The following IPO11 variants were observed in gnomAD, a reference collection of about 807,000 sequenced individuals.
IPO11 encodes the protein importin-11.
IPO11 carries 66 observed loss-of-function variants against 143.2 expected under a neutral mutation model. That is an observed-to-expected ratio of 0.46 (90% CI 0.38 to 0.57). The LOEUF (loss-of-function observed/expected upper bound fraction) is 0.57. Among genes scored for constraint, IPO11 ranks in the 20% least tolerant of loss-of-function variants. The pLI, the probability that IPO11 is intolerant of heterozygous loss-of-function variation, is 0.00. For synonymous variants in IPO11, 385 were observed against 377.8 expected, an observed-to-expected ratio of 1.02 and a Z score of -0.22; for missense variants, 1,026 against 1,141.0, an observed-to-expected ratio of 0.90 and a Z score of 1.45.
chr5:62,515,623 A>T (rs1354641494), intron 20 of IPO11, 122 bp downstream of exon 20: 14 of 589,036 alleles, frequency 2.4e-5, no homozygotes, highest in Middle Eastern at 4.7e-4. Flanking sequence ...CATATCTTTT[A>T]TTTTTTTTTC....
At chr5:62,451,641 CAA>C in intron 4 of IPO11, 87 bp from the exon 5 acceptor site, 1 of 972,426 alleles carries the variant, frequency 1.0e-6, no homozygotes, top group East Asian at 2.6e-5. Context: ...TCATTTTTGT[CAA>C]GTGTATAATT....
At chr5:62,542,763 T>C (rs1234140975) in intron 24 of IPO11, among the ~76,000 whole-genome samples, 1 of 152,158 alleles carries the variant, frequency 6.6e-6, no homozygotes, top group Admixed American at 6.6e-5. Flanking sequence ...TACTCTAAAT[T>C]GTTAACATTT....
chr5:62,471,304 A>G (rs1745765906), intron 7 of IPO11, among the ~76,000 whole-genome samples: 1 of 151,556 alleles, frequency 6.6e-6, no homozygotes, highest in African/African-American at 2.4e-5. Flanking sequence ...GGTCTCCCCT[A>G]CTAGATTTGA....
intron 1 of IPO11, among the ~76,000 whole-genome samples, chr5:62,432,590 C>T (rs891137447): frequency 1.3e-5 from 2 of 152,200 alleles, no homozygotes; most frequent in Admixed American, 6.5e-5. Flanking sequence ...ATATTTGTCA[C>T]ATAGATGTTT....
chr5:62,466,245 G>A (rs779907893), intron 5 of IPO11, among the ~76,000 whole-genome samples: 6 of 152,140 alleles, frequency 3.9e-5, no homozygotes, highest in South Asian at 2.1e-4. Context: ...TGCCCTGGGG[G>A]ATATGGTGAA....
At chr5:62,499,606 C>T (rs926823983) in intron 16 of IPO11, among the ~76,000 whole-genome samples, 14 of 118,510 alleles carry the variant, frequency 1.2e-4, no homozygotes, top group Non-Finnish European at 1.6e-4. Flanking sequence ...GACGGAGTCT[C>T]GCTTTGTCGC....
intron 7 of IPO11, among the ~76,000 whole-genome samples, chr5:62,473,774 A>G (rs1357285566): frequency 6.6e-6 from 1 of 151,984 alleles, no homozygotes; most frequent in African/African-American, 2.4e-5. Context: ...ATTTCTTTAT[A>G]TTTATTCCTG....
intron 26 of IPO11, among the ~76,000 whole-genome samples, chr5:62,557,119 C>G (rs1210453214): frequency 6.6e-6 from 1 of 152,118 alleles, no homozygotes; most frequent in African/African-American, 2.4e-5. Flanking sequence ...GAGTGCCCCT[C>G]AATGTGTTAT....
chr5:62,448,418 A>G (rs532911473), intron 3 of IPO11, among the ~76,000 whole-genome samples: 29 of 152,284 alleles, frequency 1.9e-4, no homozygotes, highest in Admixed American at 1.8e-3. Flanking sequence ...GTAAGGGAGG[A>G]CAACTATATT....
intron 22 of IPO11, among the ~76,000 whole-genome samples, chr5:62,532,085 T>G (rs1354900351): frequency 3.3e-5 from 5 of 152,192 alleles, no homozygotes; most frequent in Admixed American, 1.3e-4. Context: ...TTACCAACTT[T>G]GTCGTGAACA....
chr5:62,468,838 A>G (rs1443295802), intron 6 of IPO11, among the ~76,000 whole-genome samples: 5 of 152,198 alleles, frequency 3.3e-5, no homozygotes, highest in Non-Finnish European at 7.3e-5. Context: ...GTAACTATAC[A>G]TTTCTGTTCT....
intron 15 of IPO11, among the ~76,000 whole-genome samples, chr5:62,491,233 A>T (rs1324710460): frequency 2.0e-5 from 3 of 152,210 alleles, no homozygotes; most frequent in Non-Finnish European, 2.9e-5. Flanking sequence ...AGCTGGAGAT[A>T]CTCTAAAAGT....
At chr5:62,557,053 T>G (rs1159411534) in intron 26 of IPO11, among the ~76,000 whole-genome samples, 2 of 152,192 alleles carry the variant, frequency 1.3e-5, no homozygotes, top group Admixed American at 1.3e-4. Flanking sequence ...CCCTTGAATA[T>G]CTTGGGTTTT....
intron 1 of IPO11, among the ~76,000 whole-genome samples, chr5:62,432,708 T>A (rs369089673): frequency 2.6e-5 from 4 of 152,256 alleles, no homozygotes; most frequent in Non-Finnish European, 5.9e-5. Context: ...GAGCTACTTA[T>A]GTCATCATTC....
chr5:62,427,941 G>T (rs968600818), intron 1 of IPO11, among the ~76,000 whole-genome samples: 2 of 152,216 alleles, frequency 1.3e-5, no homozygotes, highest in African/African-American at 4.8e-5. Flanking sequence ...CGTATAGTGT[G>T]CAGGGACAGA....
chr5:62,550,289 T>C (rs1743345634), intron 24 of IPO11, 78 bp from the exon 25 acceptor site: 2 of 1,074,208 alleles, frequency 1.9e-6, no homozygotes, highest in Non-Finnish European at 2.8e-6. Context: ...CTTATTTTAG[T>C]ACATTGTTTC....
intron 23 of IPO11, 25 bp downstream of exon 23, chr5:62,536,806 T>C: frequency 1.4e-6 from 2 of 1,459,794 alleles, no homozygotes; most frequent in Middle Eastern, 2.2e-4. Flanking sequence ...TTTTGCATTA[T>C]ATGAAATTAT....
chr5:62,591,469 T>G (rs1745007303), intron 27 of IPO11, 108 bp from the exon 28 acceptor site: 1 of 643,232 alleles, frequency 1.6e-6, no homozygotes, highest in East Asian at 3.1e-5. Flanking sequence ...CTTTTGTATT[T>G]CACAGCTGAA....
chr5:62,420,026 C>A (rs1168058639), intron 1 of IPO11, among the ~76,000 whole-genome samples: 1 of 152,048 alleles, frequency 6.6e-6, no homozygotes, highest in Non-Finnish European at 1.5e-5. Context: ...CGTGGTGGCT[C>A]ACGCCTGTAA....
Sources: allele counts gnomAD v4.1 joint callset (sites outside exome capture counted in the v4.1 genomes callset), GRCh38; gene constraint gnomAD v4.1.1; transcripts MANE v1.5; gene names NCBI Gene and HGNC (gene_info 2026-07-23, HGNC 2026-07-21).